The following DZIP1 variants were observed in gnomAD, a reference collection of about 807,000 sequenced individuals.
DZIP1 encodes DAZ interacting zinc finger protein 1, also known as cilium assembly protein DZIP1.
In DZIP1, 97 loss-of-function variants were observed where a neutral mutation model predicts 107.6. That is an observed-to-expected ratio of 0.90 (90% CI 0.77 to 1.07). DZIP1 has a LOEUF of 1.07. Ranked by LOEUF, DZIP1 falls within the 50% of genes least tolerant of loss-of-function variation. The pLI is 0.00. For synonymous variants in DZIP1, 390 were observed against 386.4 expected (o/e 1.01, Z -0.11); for missense variants, 1,035 against 1,063.6 (o/e 0.97, Z 0.37).
chr13:95,579,066 A>C lies in DZIP1; in HGVS notation c.*3168T>G, dbSNP rs370023837. On this transcript the variant is annotated 3_prime_UTR_variant, in exon 23 of 23. Coordinates refer to ENST00000376829, the MANE Select transcript of DZIP1 (RefSeq NM_198968.4). ...ATTATTGGAACACTAAGCATGTGGG[A>C]GTTATTTATATCCTACTGCTCAAGG... 6.6e-6 allele frequency: 1 copy of C among 152,184 alleles called. No homozygotes were observed. The highest frequency in any genetic ancestry group is 2.4e-5 in the African/African-American group (1 of 41,438). The allele number at this position is 152,184 out of a possible 1,614,324, so 9.4% of individuals were successfully genotyped here.
chr13:95,588,513 G>A (rs188721798), intron 19 of DZIP1, among the ~76,000 whole-genome samples: 27 of 152,288 alleles, frequency 1.8e-4, no homozygotes, highest in African/African-American at 5.3e-4. Flanking sequence ...ACCCACAAGT[G>A]CCAAGCACTG....
chr13:95,622,493 A>C lies in DZIP1; in HGVS notation c.973-13T>G, dbSNP rs765924746. 1 of 1,614,032 alleles carries C rather than the reference A, an allele frequency of 6.2e-7. No homozygotes were observed. Among genetic ancestry groups the C allele is most frequent in the South Asian group, 1.1e-5 (1 of 91,076 alleles). On this transcript the variant is annotated splice_polypyrimidine_tract_variant and intron_variant, in intron 8 of 22. Transcript: ENST00000376829. Reference sequence around the variant, plus strand: ...TTTCTGACAGTTGCTATAAGATAAAATTCAAGCTCAGTACTACAGTTAGAC... The same window carrying C: ...TTTCTGACAGTTGCTATAAGATAAACTTCAAGCTCAGTACTACAGTTAGAC...
At chr13:95,628,357 T>A (rs906785855) in intron 7 of DZIP1, among the ~76,000 whole-genome samples, 25 of 152,216 alleles carry the variant, frequency 1.6e-4, no homozygotes, top group South Asian at 6.2e-4. Flanking sequence ...TATTTTTTTT[T>A]AAAAGATATA....
intron 8 of DZIP1, among the ~76,000 whole-genome samples, chr13:95,623,101 A>G (rs984037119): frequency 1.3e-5 from 2 of 152,116 alleles, no homozygotes; most frequent in Non-Finnish European, 2.9e-5. Context: ...AGAAGAACTG[A>G]ATGCACCTGG....
chr13:95,623,626 C>CT (rs1221397510), intron 8 of DZIP1, among the ~76,000 whole-genome samples: 2 of 152,158 alleles, frequency 1.3e-5, no homozygotes, highest in African/African-American at 2.4e-5. Context: ...AAATAGTCTT[C>CT]TTTTTTTCCA....
At chr13:95,629,895 A>T (rs1194409841) in intron 7 of DZIP1, 94 bp downstream of exon 7, 1 of 1,311,242 alleles carries the variant, frequency 7.6e-7, no homozygotes, top group Non-Finnish European at 1.0e-6. Context: ...AAATTCACAA[A>T]CTCTTAAGTG....
intron 3 of DZIP1, among the ~76,000 whole-genome samples, 188 bp downstream of exon 3, chr13:95,642,855 C>A (rs959640670): frequency 1.3e-5 from 2 of 152,100 alleles, no homozygotes; most frequent in Admixed American, 1.3e-4. Context: ...GTCTTTCTTC[C>A]TTTGTAGGTT....
At chr13:95,588,027 C>T in intron 19 of DZIP1, 1 of 241,370 alleles carries the variant, frequency 4.1e-6, no homozygotes, top group Non-Finnish European at 7.9e-6. Flanking sequence ...TTTTGGTTTT[C>T]ACACACCTAA....
intron 10 of DZIP1, among the ~76,000 whole-genome samples, 182 bp from the exon 11 acceptor site, chr13:95,612,359 C>G (rs1158046027): frequency 6.6e-6 from 1 of 152,220 alleles, no homozygotes; most frequent in Non-Finnish European, 1.5e-5. Flanking sequence ...GGTGCTTCAT[C>G]TGTGTTCCCA....
At chr13:95,583,332 G>A (rs1051473342) in intron 22 of DZIP1, among the ~76,000 whole-genome samples, 1 of 151,660 alleles carries the variant, frequency 6.6e-6, no homozygotes, top group Non-Finnish European at 1.5e-5. Flanking sequence ...TGAGAGGTGC[G>A]GTGGGTGGTG....
chr13:95,598,436 T>G (rs1008703572), intron 15 of DZIP1, among the ~76,000 whole-genome samples: 2 of 152,164 alleles, frequency 1.3e-5, no homozygotes, highest in Admixed American at 1.3e-4. Context: ...ATAGGTATTA[T>G]GAATATGCCT....
At position 95,604,376 on chromosome 13, in the gene DZIP1, C is replaced by T. The variant is rs183891582; in HGVS notation, c.1477+1627G>A. ...GAAGCTGGCCTGACGGGGTGGGGGA[C>T]GTTGGCGGGCCCTGGCCAAGTCTCT... On this transcript the variant is annotated intron_variant, in intron 14 of 22. Coordinates refer to ENST00000376829, the MANE Select transcript of DZIP1 (RefSeq NM_198968.4). Among the ~76,000 whole-genome samples, 8 of 152,316 alleles carry T rather than the reference C, an allele frequency of 5.3e-5. No individual in the cohort carries two copies. In the East Asian group the frequency reaches 5.8e-4, roughly 11 times the overall value.
rs570117741 is a variant in DZIP1, at chr13:95,607,201, C to T, written c.1421-1142G>A. Among the ~76,000 whole-genome samples the T allele has an allele frequency of 2.0e-5, 3 of 152,236 alleles. No individual in the cohort carries two copies. In the South Asian group the frequency reaches 6.2e-4, roughly 32 times the overall value. On this transcript the variant is annotated intron_variant, in intron 13 of 22. Coordinates refer to ENST00000376829, the MANE Select transcript of DZIP1 (RefSeq NM_198968.4). ...AACTGGGACTACAGGCATGCGGCACCATGCTCAGCTAATTTTTGTATTTTT... is the reference window on the plus strand; with the variant it reads ...AACTGGGACTACAGGCATGCGGCACTATGCTCAGCTAATTTTTGTATTTTT...
chr13:95,589,370 G>A (rs1306053086), intron 18 of DZIP1, among the ~76,000 whole-genome samples, 163 bp from the exon 19 acceptor site: 1 of 152,196 alleles, frequency 6.6e-6, no homozygotes, highest in Non-Finnish European at 1.5e-5. Context: ...GGAATTACAA[G>A]TGTGATTCTC....
chr13:95,641,886 AGGCGGGGATGGGG>A lies in DZIP1; in HGVS notation c.37-44_37-32del. ...GGGGGCACAAAGAGAGCGCGGCGGG[AGGCGGGGATGGGG>A]GGCGGGCAGGCTGGGGAGCTGGGGG... On this transcript the variant is annotated intron_variant, in intron 4 of 22. Coordinates refer to ENST00000376829, the MANE Select transcript of DZIP1 (RefSeq NM_198968.4). The surrounding 1 kb of genome is among the most constrained non-coding windows in gnomAD (Gnocchi z 4.3). 2.3e-6 allele frequency: 1 copy of A among 425,624 alleles called. No homozygotes were observed. The highest frequency in any genetic ancestry group is 3.2e-6 in the Non-Finnish European group (1 of 313,272). The allele number at this position is 425,624 out of a possible 1,614,324, so 26.4% of individuals were successfully genotyped here. A position where few individuals can be genotyped will look rare whatever the true frequency, so the allele number is the denominator to read the frequency against.
At chr13:95,638,621 A>AC (rs2139457916) in intron 5 of DZIP1, among the ~76,000 whole-genome samples, 1 of 137,418 alleles carries the variant, frequency 7.3e-6, no homozygotes, top group Non-Finnish European at 1.6e-5. Context: ...TGCCATCACT[A>AC]CCCCCCTTAT....
intron 13 of DZIP1, among the ~76,000 whole-genome samples, chr13:95,606,371 C>T (rs2044777126): frequency 7.3e-6 from 1 of 136,824 alleles, no homozygotes; most frequent in African/African-American, 2.9e-5. Context: ...ACCCATGCCC[C>T]ATACCCATCA....
chr13:95,630,547 G>T (rs1354540342), intron 6 of DZIP1, among the ~76,000 whole-genome samples: 1 of 151,026 alleles, frequency 6.6e-6, no homozygotes, highest in Non-Finnish European at 1.5e-5. Context: ...GGTGCCCGCT[G>T]AACTCTTCTG....
intron 18 of DZIP1, among the ~76,000 whole-genome samples, chr13:95,589,591 C>T (rs1319166757): frequency 6.6e-6 from 1 of 152,208 alleles, no homozygotes; most frequent in East Asian, 1.9e-4. Context: ...GGTATCTCCA[C>T]CATCTGGAGG....
Sources: allele counts gnomAD v4.1 joint callset (sites outside exome capture counted in the v4.1 genomes callset), GRCh38; gene constraint gnomAD v4.1.1; non-coding constraint Gnocchi (gnomAD v3.1); transcripts MANE v1.5; gene names NCBI Gene and HGNC (gene_info 2026-07-23, HGNC 2026-07-21).